CTNNA2: variants seen among roughly 807,000 people sequenced by gnomAD.
CTNNA2 encodes the protein catenin alpha 2.
CTNNA2 carries 42 observed loss-of-function variants against 101.0 expected under a neutral mutation model. That is an observed-to-expected ratio of 0.42 (90% CI 0.32 to 0.54). The LOEUF (loss-of-function observed/expected upper bound fraction) is 0.54, where lower values mean the gene tolerates loss of function less well. Among genes scored for constraint, CTNNA2 ranks in the 20% least tolerant of loss-of-function variants. The pLI is 0.14. For synonymous variants in CTNNA2, 450 were observed against 456.4 expected (o/e 0.99, Z 0.18); for missense variants, 871 against 1,223.1 (o/e 0.71, Z 4.29).
intron 9 of CTNNA2, among the ~76,000 whole-genome samples, chr2:80,474,583 G>C (rs1336912570): frequency 1.3e-5 from 2 of 152,058 alleles, no homozygotes; most frequent in Non-Finnish European, 2.9e-5. Context: ...ACCATAAATT[G>C]AACCATTTCC....
In CTNNA2 at chr2:79,400,008, G is replaced by A. The variant is rs538415611; in HGVS notation, c.-135+25995G>A. Among the ~76,000 whole-genome samples, 5 of 152,128 alleles carry A rather than the reference G, an allele frequency of 3.3e-5. No homozygotes were observed. The South Asian group carries it at 1.0e-3, about 32-fold the overall frequency. ...ATGACATGTGCCCAAAGTGGTTGGAGCACAGCTTGGTTTTATACATTTTAG... is the reference window on the plus strand; with the variant it reads ...ATGACATGTGCCCAAAGTGGTTGGAACACAGCTTGGTTTTATACATTTTAG... On this transcript the variant is annotated intron_variant, in intron 4 of 21. Coordinates refer to the CTNNA2 transcript ENST00000466387.
chr2:80,230,578 G>A (rs944477761), intron 7 of CTNNA2, among the ~76,000 whole-genome samples: 1 of 152,048 alleles, frequency 6.6e-6, no homozygotes, highest in Non-Finnish European at 1.5e-5. Context: ...AAAAGCAGAC[G>A]GAAAAGGGAA....
At chr2:80,562,330 A>G (rs1378046294) in intron 12 of CTNNA2, among the ~76,000 whole-genome samples, 2 of 152,224 alleles carry the variant, frequency 1.3e-5, no homozygotes, top group Non-Finnish European at 2.9e-5. Context: ...CAGATAGCTT[A>G]CAATATAGAA....
intron 2 of CTNNA2, among the ~76,000 whole-genome samples, chr2:79,681,206 A>G (rs1208824128): frequency 6.6e-6 from 1 of 152,026 alleles, no homozygotes; most frequent in African/African-American, 2.4e-5. Flanking sequence ...ATCACCTTTA[A>G]CACTTTTCTA....
chr2:79,751,254 A>G (rs1341822189), intron 3 of CTNNA2, among the ~76,000 whole-genome samples: 1 of 152,152 alleles, frequency 6.6e-6, no homozygotes, highest in Non-Finnish European at 1.5e-5. Context: ...GAGGTTGGAT[A>G]AAGAAGCCCT....
chr2:79,471,061 A>G (rs745754267), intron 4 of CTNNA2, among the ~76,000 whole-genome samples: 10 of 152,218 alleles, frequency 6.6e-5, no homozygotes, highest in Non-Finnish European at 1.2e-4. Flanking sequence ...TGTAATGAAG[A>G]TAGATGGCAT....
intron 7 of CTNNA2, among the ~76,000 whole-genome samples, chr2:79,966,647 A>G (rs893160925): frequency 2.0e-5 from 3 of 152,212 alleles, no homozygotes; most frequent in Non-Finnish European, 4.4e-5. Context: ...GAAAGAAGGC[A>G]GCCAATGAAG....
At chr2:80,031,020 A>G (rs78136328) in intron 7 of CTNNA2, among the ~76,000 whole-genome samples, 8,553 of 152,304 alleles carry the variant, frequency 0.056, 448 homozygotes, top group African/African-American at 0.13. Flanking sequence ...ATTAATTATT[A>G]CAGCTTTCCT....
chr2:79,711,285 C>T (rs1685721874), intron 2 of CTNNA2, among the ~76,000 whole-genome samples: 1 of 152,156 alleles, frequency 6.6e-6, no homozygotes. Context: ...GTTGACACTG[C>T]ATTTTGCTCA....
chr2:80,407,709 G>A (rs148630768), intron 8 of CTNNA2, among the ~76,000 whole-genome samples: 1 of 152,286 alleles, frequency 6.6e-6, no homozygotes, highest in East Asian at 1.9e-4. Context: ...CTCTTAAATA[G>A]CGACAGCACC....
intron 7 of CTNNA2, among the ~76,000 whole-genome samples, chr2:80,217,003 A>G (rs1167454486): frequency 6.6e-6 from 1 of 151,956 alleles, no homozygotes; most frequent in Admixed American, 6.6e-5. Flanking sequence ...ACAACCAGCT[A>G]ATTTTTGTAC....
chr2:80,436,787 C>T (rs74569972), intron 9 of CTNNA2, among the ~76,000 whole-genome samples: 6,453 of 152,148 alleles, frequency 0.042, 196 homozygotes, highest in South Asian at 0.13. Flanking sequence ...CTTTTATAAG[C>T]GCACCAATCC....
intron 2 of CTNNA2, among the ~76,000 whole-genome samples, chr2:79,678,550 A>T (rs577200195): frequency 1.3e-5 from 2 of 151,700 alleles, no homozygotes; most frequent in Non-Finnish European, 2.9e-5. Flanking sequence ...AACAAAAAAA[A>T]AAAAAAAGAA....
intron 6 of CTNNA2, among the ~76,000 whole-genome samples, chr2:79,885,090 G>C (rs59256207): frequency 0.042 from 6,317 of 152,138 alleles, 429 homozygotes; most frequent in African/African-American, 0.14. Flanking sequence ...GTCATTTCAG[G>C]TTCCCAGCCC....
At chr2:79,499,942 C>T (rs1671301532) in intron 4 of CTNNA2, among the ~76,000 whole-genome samples, 1 of 152,218 alleles carries the variant, frequency 6.6e-6, no homozygotes, top group African/African-American at 2.4e-5. Flanking sequence ...CCCAGGACAG[C>T]CGACGGTACA....
At chr2:79,599,560 A>G (rs1016561028) in intron 1 of CTNNA2, among the ~76,000 whole-genome samples, 2 of 152,124 alleles carry the variant, frequency 1.3e-5, no homozygotes, top group Non-Finnish European at 2.9e-5. Context: ...TTTGGACACT[A>G]TTGCTAAATA....
At chr2:79,866,864 T>G (rs895279512) in intron 4 of CTNNA2, among the ~76,000 whole-genome samples, 1 of 152,208 alleles carries the variant, frequency 6.6e-6, no homozygotes, top group African/African-American at 2.4e-5. Context: ...GCATAGTGTG[T>G]AGACATTATT....
At chr2:79,476,220 A>G (rs901167163) in intron 4 of CTNNA2, among the ~76,000 whole-genome samples, 3 of 152,166 alleles carry the variant, frequency 2.0e-5, no homozygotes, top group African/African-American at 7.2e-5. Context: ...CAGCCAAGCC[A>G]TGCAAGGATG....
intron 7 of CTNNA2, among the ~76,000 whole-genome samples, chr2:80,155,731 G>A (rs1000319302): frequency 4.6e-5 from 7 of 152,110 alleles, no homozygotes; most frequent in African/African-American, 1.4e-4. Flanking sequence ...CTCTTCTGCT[G>A]TAGCTGTGTT....
Sources: allele counts gnomAD v4.1 joint callset (sites outside exome capture counted in the v4.1 genomes callset), GRCh38; gene constraint gnomAD v4.1.1; transcripts MANE v1.5; gene names NCBI Gene and HGNC (gene_info 2026-07-23, HGNC 2026-07-21).